The following CALN1 variants were observed in gnomAD, a reference collection of about 807,000 sequenced individuals.
CALN1 encodes calcium-binding protein 8.
Under a neutral mutation model 30.6 loss-of-function variants are expected in CALN1, and 17 were observed. The ratio of observed to expected loss-of-function variants is 0.56; its 90% CI spans 0.38 to 0.83. The LOEUF (loss-of-function observed/expected upper bound fraction) is 0.83, where lower values mean the gene tolerates loss of function less well. Ranked by LOEUF, CALN1 falls within the 40% of genes least tolerant of loss-of-function variation. The pLI, the probability that CALN1 is intolerant of heterozygous loss-of-function variation, is 0.00. For missense variants in CALN1, 291 were observed against 354.9 expected (o/e 0.82, Z 1.45); for synonymous variants, 156 against 131.4 (o/e 1.19, Z -1.28).
chr7:72,197,847 T>C (rs908895328), intron 3 of CALN1, among the ~76,000 whole-genome samples: 12 of 151,792 alleles, frequency 7.9e-5, no homozygotes, highest in Admixed American at 7.2e-4. Flanking sequence ...TACAGAAAGA[T>C]CCTGTCTCTG....
intron 4 of CALN1, among the ~76,000 whole-genome samples, chr7:72,095,856 A>T (rs1806179633): frequency 6.6e-6 from 1 of 152,054 alleles, no homozygotes; most frequent in African/African-American, 2.4e-5. Flanking sequence ...ACATAGCAAA[A>T]CTTCATTGCT....
At chr7:72,373,966 T>TGA (rs141225812) in intron 2 of CALN1, among the ~76,000 whole-genome samples, 2,180 of 152,288 alleles carry the variant, frequency 0.014, 28 homozygotes, top group Non-Finnish European at 0.019. Context: ...AAAAATATTT[T>TGA]GAAAGTGCTG....
At chr7:72,046,257 C>T (rs1802464937) in intron 4 of CALN1, among the ~76,000 whole-genome samples, 1 of 151,922 alleles carries the variant, frequency 6.6e-6, no homozygotes, top group African/African-American at 2.4e-5. Context: ...TTTTTGGAGA[C>T]AAGGTCTCTT....
intron 3 of CALN1, among the ~76,000 whole-genome samples, chr7:72,173,013 A>G (rs984274074): frequency 1.3e-5 from 2 of 152,326 alleles, no homozygotes; most frequent in South Asian, 4.1e-4. Context: ...AGATCTTAAA[A>G]TAAGTAAAAT....
At chr7:72,231,791 C>T (rs375487152) in intron 3 of CALN1, among the ~76,000 whole-genome samples, 1 of 152,182 alleles carries the variant, frequency 6.6e-6, no homozygotes, top group Non-Finnish European at 1.5e-5. Context: ...GATAACCCCA[C>T]CCTTACTGTA....
At chr7:71,998,861 T>C (rs1403758178) in intron 5 of CALN1, among the ~76,000 whole-genome samples, 1 of 152,024 alleles carries the variant, frequency 6.6e-6, no homozygotes, top group Non-Finnish European at 1.5e-5. Context: ...CAAAGAGATA[T>C]ACTTTAAAAT....
chr7:71,787,592 C>T lies in CALN1; in HGVS notation c.*183G>A. On this transcript the variant is annotated 3_prime_UTR_variant, in exon 7 of 7. Transcript: ENST00000395275. ...GAAGACAGCCCTTTAGTGTCCCTGC[C>T]AAGGAGATGAAGCTGAAGTGCAACC... 1 of 694,736 alleles carries T rather than the reference C, an allele frequency of 1.4e-6. No individual in the cohort carries two copies. Among genetic ancestry groups the T allele is most frequent in the South Asian group, 2.5e-5 (1 of 39,906 alleles). The allele number at this position is 694,736 out of a possible 1,614,324, so 43.0% of individuals were successfully genotyped here.
rs1792889351 is a variant in CALN1, at chr7:71,784,592, T to TCTC, written c.*3180_*3182dup. ...GGGGGTCAGGGTCCATTTCCCCTTC[T>TCTC]CTCCCAAGGAAAATGCCTTCTTGCT... On this transcript the variant is annotated 3_prime_UTR_variant, in exon 7 of 7. Coordinates refer to ENST00000395275, the MANE Select transcript of CALN1 (RefSeq NM_031468.4). 2.6e-6 allele frequency: 1 copy of TCTC among 380,018 alleles called. No homozygotes were observed. Among genetic ancestry groups the TCTC allele is most frequent in the African/African-American group, 2.1e-5 (1 of 47,902 alleles). 23.5% of individuals were successfully genotyped at this position (380,018 alleles called of 1,614,324 possible).
intron 5 of CALN1, among the ~76,000 whole-genome samples, chr7:71,936,854 C>T (rs1293915975): frequency 1.3e-5 from 2 of 152,186 alleles, no homozygotes; most frequent in Admixed American, 1.3e-4. Flanking sequence ...ATACTGTTCT[C>T]GTGGTAGTGA....
intron 5 of CALN1, among the ~76,000 whole-genome samples, chr7:71,904,550 G>A (rs561507449): frequency 3.5e-4 from 54 of 152,230 alleles, no homozygotes; most frequent in African/African-American, 1.3e-3. Context: ...GGTGGGTAGT[G>A]GGGAGAAGGA....
At chr7:72,316,911 C>T (rs1301915370) in intron 2 of CALN1, among the ~76,000 whole-genome samples, 1 of 150,626 alleles carries the variant, frequency 6.6e-6, no homozygotes, top group African/African-American at 2.4e-5. Flanking sequence ...CACCACTGCA[C>T]TCCAGCCTGG....
intron 2 of CALN1, among the ~76,000 whole-genome samples, chr7:72,354,297 G>C (rs1456578487): frequency 6.6e-6 from 1 of 152,148 alleles, no homozygotes; most frequent in East Asian, 1.9e-4. Flanking sequence ...TGCTGAGAGA[G>C]ATTAAAGAAG....
intron 2 of CALN1, among the ~76,000 whole-genome samples, chr7:72,388,852 G>A (rs2129561279): frequency 6.6e-6 from 1 of 152,268 alleles, no homozygotes; most frequent in South Asian, 2.1e-4. Flanking sequence ...CAGAACTGGT[G>A]CATTTGGGCT....
At chr7:72,462,978 C>T in the CALN1 span, among the ~76,000 whole-genome samples, 1 of 152,322 alleles carries the variant, frequency 6.6e-6, no homozygotes, top group Middle Eastern at 3.4e-3. Flanking sequence ...AACAATCATG[C>T]GTACTGTTCA....
At chr7:72,115,617 T>C (rs1807929217) in intron 3 of CALN1, among the ~76,000 whole-genome samples, 2 of 150,110 alleles carry the variant, frequency 1.3e-5, no homozygotes, top group Non-Finnish European at 2.9e-5. Context: ...GTCTCCTAAG[T>C]AGCTGGGATC....
At chr7:72,224,849 GA>G (rs1454728739) in intron 3 of CALN1, among the ~76,000 whole-genome samples, 1 of 151,998 alleles carries the variant, frequency 6.6e-6, no homozygotes, top group Non-Finnish European at 1.5e-5. Context: ...AGCACTTTGG[GA>G]AGTCGAGGCA....
intron 5 of CALN1, among the ~76,000 whole-genome samples, chr7:71,873,595 C>T (rs1015366551): frequency 6.7e-6 from 1 of 150,044 alleles, no homozygotes; most frequent in Non-Finnish European, 1.5e-5. Context: ...CTCAAAGTTG[C>T]TCAAGAAAAA....
intron 5 of CALN1, among the ~76,000 whole-genome samples, chr7:71,910,033 C>A (rs1474354934): frequency 6.6e-6 from 1 of 151,222 alleles, no homozygotes. Flanking sequence ...TGCAAGGGAA[C>A]TTCCATTTAT....
At chr7:72,199,632 C>T (rs1480141077) in intron 3 of CALN1, among the ~76,000 whole-genome samples, 2 of 152,194 alleles carry the variant, frequency 1.3e-5, no homozygotes, top group African/African-American at 2.4e-5. Context: ...AAAAGAATCA[C>T]TTGAGCCCAG....
Sources: allele counts gnomAD v4.1 joint callset (sites outside exome capture counted in the v4.1 genomes callset), GRCh38; gene constraint gnomAD v4.1.1; transcripts MANE v1.5; gene names NCBI Gene and HGNC (gene_info 2026-07-23, HGNC 2026-07-21).